CHODL: variants seen among roughly 807,000 people sequenced by gnomAD.
The protein encoded by CHODL is chondrolectin, also known as transmembrane protein MT75.
In CHODL, 29 loss-of-function variants were observed where a neutral mutation model predicts 34.5. The ratio of observed to expected loss-of-function variants is 0.84; its 90% CI spans 0.63 to 1.15. The LOEUF (loss-of-function observed/expected upper bound fraction) is 1.15, where lower values mean the gene tolerates loss of function less well. Ranked by LOEUF, CHODL falls within the 50% of genes most tolerant of loss-of-function variation. CHODL has a pLI of 0.00. For missense variants in CHODL, 332 were observed against 332.5 expected (o/e 1.00, Z 0.01); for synonymous variants, 125 against 116.1 (o/e 1.08, Z -0.49).
chr21:17,975,561 C>T (rs1464881342), intron 1 of CHODL, among the ~76,000 whole-genome samples: 1 of 152,166 alleles, frequency 6.6e-6, no homozygotes, highest in Non-Finnish European at 1.5e-5. Flanking sequence ...ACACACGCCA[C>T]ATTCCTGGTA....
rs143616156 is a variant in CHODL, at chr21:18,081,164, C to T, written c.-45+53193C>T. Among the ~76,000 whole-genome samples, 659 of 152,258 alleles carry T rather than the reference C, an allele frequency of 4.3e-3. 20 individuals are homozygous for T. Among genetic ancestry groups the T allele is most frequent in the Admixed American group, 0.039 (604 of 15,300 alleles). ...TCATTATTAGTGTATAGAAATGCCA[C>T]TGATTTCTGTACATAGTTTCATGTC... On this transcript the variant is annotated intron_variant, in intron 2 of 6. Transcript: ENST00000400127.
At chr21:18,014,098 C>T (rs2064048047) in intron 1 of CHODL, among the ~76,000 whole-genome samples, 1 of 152,098 alleles carries the variant, frequency 6.6e-6, no homozygotes, top group Non-Finnish European at 1.5e-5. Context: ...AGGTTACTCC[C>T]TTCAAAGAAG....
intron 1 of CHODL, among the ~76,000 whole-genome samples, chr21:18,018,882 T>C (rs1273547104): frequency 1.3e-5 from 2 of 152,220 alleles, no homozygotes; most frequent in African/African-American, 4.8e-5. Flanking sequence ...CTCTCAGATT[T>C]CCTGGAAGAG....
intron 2 of CHODL, among the ~76,000 whole-genome samples, chr21:18,239,283 T>A (rs1287759482): frequency 6.6e-6 from 1 of 152,114 alleles, no homozygotes; most frequent in African/African-American, 2.4e-5. Flanking sequence ...AGAGTATTCC[T>A]TATTATTTCC....
At chr21:17,936,872 G>T (rs1020490874) in intron 1 of CHODL, among the ~76,000 whole-genome samples, 1 of 152,078 alleles carries the variant, frequency 6.6e-6, no homozygotes, top group Non-Finnish European at 1.5e-5. Flanking sequence ...TCAGGAGTTT[G>T]AGACCAGCCT....
chr21:18,093,427 G>T (rs1195552414), intron 2 of CHODL, among the ~76,000 whole-genome samples: 1 of 152,036 alleles, frequency 6.6e-6, no homozygotes, highest in Admixed American at 6.6e-5. Flanking sequence ...TAAACACACA[G>T]AAAACCACAG....
chr21:18,007,021 A>C (rs551410761), intron 1 of CHODL, among the ~76,000 whole-genome samples: 1 of 152,348 alleles, frequency 6.6e-6, no homozygotes, highest in East Asian at 1.9e-4. Context: ...ATTAAACGTA[A>C]GTATATTGTG....
intron 2 of CHODL, among the ~76,000 whole-genome samples, chr21:18,041,927 T>C (rs1233713118): frequency 6.6e-6 from 1 of 151,914 alleles, no homozygotes; most frequent in African/African-American, 2.4e-5. Flanking sequence ...AAAGCGTTTG[T>C]AGTCCAGATT....
At chr21:18,216,850 TATC>T (rs2073834503) in intron 2 of CHODL, among the ~76,000 whole-genome samples, 1 of 152,052 alleles carries the variant, frequency 6.6e-6, no homozygotes, top group African/African-American at 2.4e-5. Flanking sequence ...ACTCCCTTAA[TATC>T]ATAAGAACAG....
chr21:18,025,746 C>T (rs1273254291), intron 1 of CHODL, among the ~76,000 whole-genome samples: 1 of 151,998 alleles, frequency 6.6e-6, no homozygotes, highest in African/African-American at 2.4e-5. Flanking sequence ...AGTGTAGGCA[C>T]GTTGATTTGA....
chr21:17,947,039 G>GTTATTACAGATTTTTGCTATGTTT (rs2063415746), intron 1 of CHODL, among the ~76,000 whole-genome samples: 1 of 151,770 alleles, frequency 6.6e-6, no homozygotes, highest in Non-Finnish European at 1.5e-5. Context: ...TTGCTATGTT[G>GTTATTACAGATTTTTGCTATGTTT]TAATTACAGA....
chr21:18,151,242 G>T (rs570630651), intron 2 of CHODL, among the ~76,000 whole-genome samples: 2 of 152,236 alleles, frequency 1.3e-5, no homozygotes, highest in Admixed American at 1.3e-4. Flanking sequence ...GCCTTGCCGG[G>T]TTTCCCGCTT....
chr21:17,960,064 C>T (rs539653034), intron 1 of CHODL, among the ~76,000 whole-genome samples: 4 of 151,998 alleles, frequency 2.6e-5, no homozygotes, highest in Admixed American at 2.0e-4. Flanking sequence ...TGTTGGATGA[C>T]GTAGCTGGGT....
chr21:18,219,989 C>T (rs1234531035), intron 2 of CHODL, among the ~76,000 whole-genome samples: 3 of 152,084 alleles, frequency 2.0e-5, no homozygotes, highest in Non-Finnish European at 4.4e-5. Flanking sequence ...GACATCTTAG[C>T]CCCCAAAATA....
chr21:18,259,453 C>T (rs2074354923), intron 3 of CHODL, among the ~76,000 whole-genome samples: 1 of 152,142 alleles, frequency 6.6e-6, no homozygotes, highest in African/African-American at 2.4e-5. Flanking sequence ...ATCTGTGCAG[C>T]ACCGCACCAT....
At chr21:17,993,483 C>T (rs2063817474) in intron 1 of CHODL, among the ~76,000 whole-genome samples, 1 of 152,136 alleles carries the variant, frequency 6.6e-6, no homozygotes, top group Admixed American at 6.6e-5. Flanking sequence ...GTTTTCTGTT[C>T]CTGTGCTAGT....
chr21:18,092,979 T>G (rs2065092174), intron 2 of CHODL, among the ~76,000 whole-genome samples: 1 of 152,062 alleles, frequency 6.6e-6, no homozygotes, highest in South Asian at 2.1e-4. Flanking sequence ...AACATTCAAG[T>G]ACGAGAAGGT....
At chr21:18,085,850 A>G (rs1664701) in intron 2 of CHODL, among the ~76,000 whole-genome samples, 61,758 of 151,468 alleles carry the variant, frequency 0.41, 13,674 homozygotes, top group Non-Finnish European at 0.51. Flanking sequence ...CTTTTAGAAT[A>G]TATTTGACTG....
At chr21:18,090,726 G>GA (rs5842674) in intron 2 of CHODL, among the ~76,000 whole-genome samples, 21,582 of 124,370 alleles carry the variant, frequency 0.17, 2,040 homozygotes, top group African/African-American at 0.23. Flanking sequence ...ATAATTTCCA[G>GA]AAAAAAAAAA....
Sources: allele counts gnomAD v4.1 joint callset (sites outside exome capture counted in the v4.1 genomes callset), GRCh38; gene constraint gnomAD v4.1.1; transcripts MANE v1.5; gene names NCBI Gene and HGNC (gene_info 2026-07-23, HGNC 2026-07-21).